Variants in NVL observed in about 807,000 individuals in gnomAD.
The protein encoded by NVL is nuclear valosin-containing protein-like.
NVL carries 84 observed loss-of-function variants against 110.2 expected under a neutral mutation model. The observed-to-expected ratio is 0.76, with a 90% CI of 0.64 to 0.91. The LOEUF (loss-of-function observed/expected upper bound fraction) is 0.91. NVL is among the 40% of genes least tolerant of loss of function. The pLI is 0.00. For missense variants in NVL, 882 were observed against 1,035.9 expected (o/e 0.85, Z 2.04); for synonymous variants, 354 against 361.1 (o/e 0.98, Z 0.22).
At chr1:224,300,767 ACTTCAT>A in intron 9 of NVL, 104 bp from the exon 10 acceptor site, 1 of 752,006 alleles carries the variant, frequency 1.3e-6, no homozygotes, top group South Asian at 1.8e-5. Context: ...TTCCTGAGGA[ACTTCAT>A]CTTTTTATGT....
chr1:224,249,237 G>A (rs1347538744), intron 19 of NVL, among the ~76,000 whole-genome samples: 1 of 151,880 alleles, frequency 6.6e-6, no homozygotes, highest in African/African-American at 2.4e-5. Context: ...TCCACTTCTT[G>A]GGCTCAAGGG....
intron 19 of NVL, among the ~76,000 whole-genome samples, chr1:224,237,853 C>T (rs1660671356): frequency 6.6e-6 from 1 of 150,552 alleles, no homozygotes; most frequent in African/African-American, 2.5e-5. Context: ...ACTCGGGACA[C>T]TGAGGCAGGA....
At chr1:224,247,073 A>C (rs1274566860) in intron 19 of NVL, among the ~76,000 whole-genome samples, 1 of 151,860 alleles carries the variant, frequency 6.6e-6, no homozygotes, top group Non-Finnish European at 1.5e-5. Flanking sequence ...AAAAAAAAAA[A>C]ACAGAGCCAA....
intron 4 of NVL, among the ~76,000 whole-genome samples, chr1:224,314,938 G>T (rs1318114854): frequency 6.6e-6 from 1 of 152,100 alleles, no homozygotes; most frequent in Non-Finnish European, 1.5e-5. Context: ...TTAAACCCGG[G>T]AGGCGGTGGT....
intron 18 of NVL, 95 bp downstream of exon 18, chr1:224,267,939 T>C: frequency 1.2e-6 from 1 of 804,910 alleles, no homozygotes; most frequent in Non-Finnish European, 2.0e-6. Context: ...TAAATGCTAC[T>C]AGTTTTTACT....
chr1:224,308,368 A>G, intron 5 of NVL, 105 bp from the exon 6 acceptor site: 3 of 992,324 alleles, frequency 3.0e-6, no homozygotes, highest in Non-Finnish European at 4.4e-6. Context: ...TTTTTTAACA[A>G]CTTCTCTCAG....
At chr1:224,311,748 T>C in intron 5 of NVL, 52 bp downstream of exon 5, 1 of 1,411,750 alleles carries the variant, frequency 7.1e-7, no homozygotes, top group Non-Finnish European at 1.0e-6. Context: ...GGAGGTACCA[T>C]AACAACTAAA....
At chr1:224,275,515 C>T in intron 16 of NVL, 57 bp from the exon 17 acceptor site, 1 of 1,607,070 alleles carries the variant, frequency 6.2e-7, no homozygotes, top group Non-Finnish European at 8.5e-7. Context: ...TGGTTTGGGT[C>T]AAATGATACT....
chr1:224,322,867 T>C (rs1670792966), intron 2 of NVL, among the ~76,000 whole-genome samples: 1 of 151,808 alleles, frequency 6.6e-6, no homozygotes, highest in Non-Finnish European at 1.5e-5. Flanking sequence ...GGCAGGAGAA[T>C]CGCTTGAACC....
At chr1:224,299,406 G>A (rs1475553726) in intron 10 of NVL, among the ~76,000 whole-genome samples, 1 of 152,120 alleles carries the variant, frequency 6.6e-6, no homozygotes, top group African/African-American at 2.4e-5. Context: ...TCACCTTTTT[G>A]TTTCCTGATC....
intron 6 of NVL, 85 bp downstream of exon 6, chr1:224,307,906 A>T: frequency 1.3e-5 from 17 of 1,324,976 alleles, no homozygotes; most frequent in Non-Finnish European, 1.7e-5. Context: ...TCCACAAAAC[A>T]CAAGTATCTG....
intron 7 of NVL, 39 bp from the exon 8 acceptor site, chr1:224,304,851 T>G (rs1478135224): frequency 1.3e-6 from 2 of 1,553,330 alleles, no homozygotes; most frequent in Admixed American, 3.3e-5. Context: ...GATTAATGAT[T>G]CAGTAGTAAC....
chr1:224,258,832 A>G (rs1235111095), intron 18 of NVL, among the ~76,000 whole-genome samples: 1 of 152,124 alleles, frequency 6.6e-6, no homozygotes, highest in Non-Finnish European at 1.5e-5. Flanking sequence ...TATCCAGAAT[A>G]GACAAATTTA....
intron 18 of NVL, among the ~76,000 whole-genome samples, chr1:224,265,077 G>C (rs1417573291): frequency 6.6e-6 from 1 of 151,600 alleles, no homozygotes; most frequent in Non-Finnish European, 1.5e-5. Context: ...GGTCGTTAAT[G>C]CAACAGATTT....
intron 13 of NVL, among the ~76,000 whole-genome samples, chr1:224,288,913 C>A (rs2102628971): frequency 6.6e-6 from 1 of 152,278 alleles, no homozygotes; most frequent in South Asian, 2.1e-4. Context: ...CCCTATTATT[C>A]ACATGACTGT....
intron 19 of NVL, among the ~76,000 whole-genome samples, chr1:224,237,804 C>G (rs987523149): frequency 6.7e-6 from 1 of 149,078 alleles, no homozygotes; most frequent in African/African-American, 2.5e-5. Context: ...CCTCTGTCTC[C>G]TAGGAGCGAT....
chr1:224,311,851 A>G lies in NVL; in HGVS notation c.291T>C (p.Thr97=), dbSNP rs572405520. ...ARQGEEDNEY[T]ESYSDDDSSM... ...TTGAATCATCATCAGAATAGCTTTC[A>G]GTATACCTCAGTAAAAGGAGGGAAA... is the stretch of plus-strand genomic sequence containing the variant. The change falls in exon 5 of 23, where the codon ACT becomes ACC. Residue 97 remains threonine, a synonymous_variant. Transcript: ENST00000281701. 1.2e-6 allele frequency: 2 copies of G among 1,611,932 alleles called. No individual in the cohort carries two copies. The highest frequency in any genetic ancestry group is 3.3e-5 in the Admixed American group (2 of 59,950).
At position 224,289,599 on chromosome 1, in the gene NVL, T is replaced by C. The variant is rs373000328; in HGVS notation, c.1460A>G (p.Asn487Ser). 296 of 1,614,270 alleles carry C rather than the reference T, an allele frequency of 1.8e-4. No individual in the cohort carries two copies. The highest frequency in any genetic ancestry group is 1.5e-3 in the East Asian group (68 of 44,886). The change falls in exon 13 of 23, where the codon AAT becomes AGT. Residue 487 changes from asparagine (N) to serine (S), a missense_variant. Physicochemically the swap from Asn to Ser is conservative, Grantham distance 46 (BLOSUM62 1). Coordinates refer to ENST00000281701, the MANE Select transcript of NVL (RefSeq NM_002533.4). ...TTCCTGTAGCTTCATTAAGACTCTA[T>C]TGACTGCACACATTGCTGCCTCTCG... ...LCREAAMCAV[N>S]RVLMKLQEQQ...
intron 5 of NVL, among the ~76,000 whole-genome samples, chr1:224,309,631 G>C (rs1039628300): frequency 6.6e-6 from 1 of 152,110 alleles, no homozygotes; most frequent in Non-Finnish European, 1.5e-5. Flanking sequence ...CTATATCCAA[G>C]GGTTCTGCAT....
Sources: gnomAD v4.1 joint callset for allele counts (sites outside exome capture counted in the v4.1 genomes callset) on GRCh38, gnomAD v4.1.1 for gene constraint, MANE v1.5 for transcripts, NCBI Gene and HGNC (gene_info 2026-07-23, HGNC 2026-07-21) for gene names.